Variants in FMN2 observed in about 807,000 individuals in gnomAD.
FMN2 encodes the protein formin 2.
FMN2 carries 51 observed loss-of-function variants against 142.3 expected under a neutral mutation model. The ratio of observed to expected loss-of-function variants is 0.36; its 90% CI spans 0.29 to 0.45. The LOEUF is 0.45. Ranked by LOEUF, FMN2 falls within the 20% of genes least tolerant of loss-of-function variation. The pLI is 1.00. For synonymous variants in FMN2, 882 were observed against 869.8 expected, an observed-to-expected ratio of 1.01 and a Z score of -0.25; for missense variants, 1,936 against 2,122.8, an observed-to-expected ratio of 0.91 and a Z score of 1.73.
At chr1:240,316,881 C>T (rs1670800508) in intron 8 of FMN2, among the ~76,000 whole-genome samples, 1 of 152,082 alleles carries the variant, frequency 6.6e-6, no homozygotes, top group African/African-American at 2.4e-5. Flanking sequence ...TTGGTATGAT[C>T]CGTGGACCTT....
chr1:240,200,201 G>A (rs1164044549), intron 4 of FMN2, among the ~76,000 whole-genome samples: 3 of 152,112 alleles, frequency 2.0e-5, no homozygotes, highest in African/African-American at 7.2e-5. Context: ...TGTGTGGGAG[G>A]GTGGGCCCCC....
At chr1:240,328,569 T>A (rs1671273801) in intron 8 of FMN2, among the ~76,000 whole-genome samples, 1 of 113,122 alleles carries the variant, frequency 8.8e-6, no homozygotes, top group African/African-American at 3.2e-5. Flanking sequence ...TTTTATTTAT[T>A]TATTTATTTA....
chr1:240,144,613 C>A lies in FMN2; in HGVS notation c.1782+21268C>A, dbSNP rs191750027. 6.9e-6 allele frequency: 9 copies of A among 1,304,660 alleles called. No individual in the cohort carries two copies. In the South Asian group the frequency reaches 1.1e-4, roughly 15 times the overall value. 80.8% of individuals were successfully genotyped at this position (1,304,660 alleles called of 1,614,324 possible). On this transcript the variant is annotated intron_variant, in intron 2 of 17. Coordinates refer to ENST00000319653, the MANE Select transcript of FMN2 (RefSeq NM_020066.5). ...TAGGAAAGCGGCTAAACTTTCAGAACACACCCAGGGCACAACGCAGTAGGA... is the reference window on the plus strand; with the variant it reads ...TAGGAAAGCGGCTAAACTTTCAGAAAACACCCAGGGCACAACGCAGTAGGA...
At chr1:240,233,045 C>T (rs1558383332) in intron 6 of FMN2, among the ~76,000 whole-genome samples, 1 of 152,112 alleles carries the variant, frequency 6.6e-6, no homozygotes, top group Non-Finnish European at 1.5e-5. Flanking sequence ...TTCATTCATT[C>T]ACTGTAACAG....
Position 240,093,777 on chromosome 1 carries a change from G to A in FMN2, c.1615+53G>A. On this transcript the variant is annotated intron_variant, in intron 1 of 17. Transcript: ENST00000319653. ...GGTCTCAAGTCGCCTGTCAGTCAGG[G>A]CCTTCCCCTGCCACCCGCCCTCCCT... 3 of 1,214,294 alleles carry A rather than the reference G, an allele frequency of 2.5e-6. No individual in the cohort carries two copies. In the African/African-American group the frequency reaches 4.7e-5, roughly 19 times the overall value. The allele number at this position is 1,214,294 out of a possible 1,614,324, so 75.2% of individuals were successfully genotyped here. A position where few individuals can be genotyped will look rare whatever the true frequency, so the allele number is the denominator to read the frequency against.
At chr1:240,182,560 C>A (rs1480268921) in intron 3 of FMN2, among the ~76,000 whole-genome samples, 1 of 151,988 alleles carries the variant, frequency 6.6e-6, no homozygotes, top group African/African-American at 2.4e-5. Context: ...TTGTAATTCA[C>A]CTTTGTTCCA....
At chr1:240,158,970 A>T (rs1664148902) in intron 2 of FMN2, among the ~76,000 whole-genome samples, 1 of 152,142 alleles carries the variant, frequency 6.6e-6, no homozygotes, top group African/African-American at 2.4e-5. Context: ...AACCAATAAG[A>T]AGATTTGAGA....
At chr1:240,309,956 A>T (rs532563043) in intron 8 of FMN2, among the ~76,000 whole-genome samples, 14 of 152,294 alleles carry the variant, frequency 9.2e-5, no homozygotes, top group African/African-American at 3.4e-4. Flanking sequence ...AAAAAGTGAC[A>T]TGCACGGGCT....
rs764294272 is a variant in FMN2 at position 240,474,649 on chromosome 1, A to G, written c.*495A>G. ...CTATTTTAAAATTTAAGAACCGTTT[A>G]TAATCAGTGCTTTCCCAACTCTTGG... On this transcript the variant is annotated 3_prime_UTR_variant, in exon 18 of 18. Transcript: ENST00000319653. 1 of 152,704 alleles carries G rather than the reference A, an allele frequency of 6.5e-6. No individual in the cohort carries two copies. Among genetic ancestry groups the G allele is most frequent in the African/African-American group, 2.4e-5 (1 of 41,446 alleles). 9.5% of individuals were successfully genotyped at this position (152,704 alleles called of 1,614,324 possible).
At chr1:240,187,344 G>A (rs1215995401) in intron 3 of FMN2, among the ~76,000 whole-genome samples, 1 of 151,674 alleles carries the variant, frequency 6.6e-6, no homozygotes, top group African/African-American at 2.4e-5. Flanking sequence ...TGTGTCCAGG[G>A]TCTGGTCTGC....
At chr1:240,137,430 AT>A (rs1212338124) in intron 2 of FMN2, among the ~76,000 whole-genome samples, 3 of 152,214 alleles carry the variant, frequency 2.0e-5, no homozygotes, top group Non-Finnish European at 4.4e-5. Context: ...GTGTTTCCTA[AT>A]AAAACTTTGT....
chr1:240,271,835 T>A (rs1163981205), intron 7 of FMN2, among the ~76,000 whole-genome samples: 1 of 152,184 alleles, frequency 6.6e-6, no homozygotes, highest in Non-Finnish European at 1.5e-5. Context: ...ATACCTCATA[T>A]GTCTTTTGAA....
At chr1:240,173,092 C>A (rs775102316) in intron 2 of FMN2, among the ~76,000 whole-genome samples, 4 of 152,084 alleles carry the variant, frequency 2.6e-5, no homozygotes, top group Non-Finnish European at 5.9e-5. Flanking sequence ...CCTGCCACCA[C>A]GCTCAGCTAA....
intron 6 of FMN2, among the ~76,000 whole-genome samples, chr1:240,212,630 C>T (rs944965592): frequency 6.6e-6 from 1 of 152,112 alleles, no homozygotes; most frequent in African/African-American, 2.4e-5. Context: ...TCCAGGGTGA[C>T]AATGTTAAAA....
At chr1:240,298,743 A>AT (rs1475643896) in intron 8 of FMN2, among the ~76,000 whole-genome samples, 1 of 152,140 alleles carries the variant, frequency 6.6e-6, no homozygotes, top group Admixed American at 6.5e-5. Context: ...AACCATCCCC[A>AT]TAATGCCAGG....
rs754984316 is a variant in FMN2, at chr1:240,207,335, C to T, written c.2523C>T (p.His841=). ...TTTCTACCGAGTTTCAAACCAGCCA[C>T]GAACACTCTGTTTCCTCTGCCTTTA... ...HSISTEFQTS[H]EHSVSSAFKN... is the part of the protein sequence containing the mutation. Residue 841 remains histidine, a synonymous_variant, in exon 5 of 18, where the codon CAC becomes CAT. Coordinates refer to ENST00000319653, the MANE Select transcript of FMN2 (RefSeq NM_020066.5). 6.2e-6 allele frequency: 10 copies of T among 1,613,800 alleles called. No individual in the cohort carries two copies. The highest frequency in any genetic ancestry group is 3.3e-5 in the Admixed American group (2 of 60,000).
At chr1:240,471,055 G>A (rs1468732581) in intron 16 of FMN2, among the ~76,000 whole-genome samples, 1 of 152,106 alleles carries the variant, frequency 6.6e-6, no homozygotes, top group Non-Finnish European at 1.5e-5. Context: ...GAACATTACC[G>A]GTGTCAAATA....
At chr1:240,117,668 G>T (rs1210512388) in intron 1 of FMN2, among the ~76,000 whole-genome samples, 1 of 152,222 alleles carries the variant, frequency 6.6e-6, no homozygotes, top group Non-Finnish European at 1.5e-5. Flanking sequence ...GGGTTCTAGA[G>T]TAAGAGCCTA....
intron 15 of FMN2, chr1:240,400,792 T>TCCC (rs994255827): frequency 2.0e-5 from 3 of 151,384 alleles, no homozygotes; most frequent in Admixed American, 1.3e-4. Context: ...TTTCTTTACT[T>TCCC]CCCCCCGACC....
Sources: allele counts gnomAD v4.1 joint callset (sites outside exome capture counted in the v4.1 genomes callset), GRCh38; gene constraint gnomAD v4.1.1; transcripts MANE v1.5; gene names NCBI Gene and HGNC (gene_info 2026-07-23, HGNC 2026-07-21).